Variants in DAB1 observed in about 807,000 individuals in gnomAD.
DAB1 encodes the protein DAB adaptor protein 1, also known as disabled homolog 1.
A neutral mutation model predicts 64.6 loss-of-function variants in DAB1; 15 were observed. The observed-to-expected ratio is 0.23, with a 90% CI of 0.16 to 0.36. DAB1 has a LOEUF of 0.36. DAB1 is among the 10% of genes least tolerant of loss of function. The pLI, the probability that DAB1 is intolerant of heterozygous loss-of-function variation, is 1.00. For synonymous variants in DAB1, 235 were observed against 251.9 expected, an observed-to-expected ratio of 0.93 and a Z score of 0.64; for missense variants, 596 against 706.7, an observed-to-expected ratio of 0.84 and a Z score of 1.78.
intron 5 of DAB1, among the ~76,000 whole-genome samples, chr1:57,984,913 G>GT (rs1276150203): frequency 1.6e-5 from 2 of 123,848 alleles, no homozygotes; most frequent in Non-Finnish European, 4.0e-5. Flanking sequence ...TTTAGTTGTT[G>GT]TTGTTTTTTT....
At chr1:57,142,944 CTT>C (rs778659225) in intron 3 of DAB1, among the ~76,000 whole-genome samples, 9 of 152,156 alleles carry the variant, frequency 5.9e-5, no homozygotes, top group Non-Finnish European at 1.0e-4. Flanking sequence ...ACTTGCCAGA[CTT>C]CATATTCATT....
intron 5 of DAB1, among the ~76,000 whole-genome samples, chr1:57,964,887 T>G (rs1423669080): frequency 6.6e-6 from 1 of 151,930 alleles, no homozygotes; most frequent in Non-Finnish European, 1.5e-5. Flanking sequence ...TGAACTGGGA[T>G]GGAATAAGGC....
intron 4 of DAB1, among the ~76,000 whole-genome samples, chr1:58,301,862 AC>A (rs1662178674): frequency 6.6e-6 from 1 of 152,122 alleles, no homozygotes; most frequent in Non-Finnish European, 1.5e-5. Flanking sequence ...AAAAGCATCT[AC>A]CCTATAGGGT....
At chr1:57,764,187 T>C (rs964054447) in intron 6 of DAB1, among the ~76,000 whole-genome samples, 1 of 152,196 alleles carries the variant, frequency 6.6e-6, no homozygotes, top group Admixed American at 6.5e-5. Context: ...GAGCACTGCA[T>C]AGCAACATTT....
At chr1:57,043,173 G>A (rs984289195) in intron 9 of DAB1, among the ~76,000 whole-genome samples, 18 of 152,076 alleles carry the variant, frequency 1.2e-4, no homozygotes, top group African/African-American at 3.4e-4. Context: ...TGAAAGTCTC[G>A]CCAATATCTG....
At chr1:58,489,514 G>A (rs1440913167) in intron 3 of DAB1, among the ~76,000 whole-genome samples, 2 of 152,100 alleles carry the variant, frequency 1.3e-5, no homozygotes, top group Admixed American at 6.5e-5. Context: ...CCACCTCTGG[G>A]GGCAGGGCAT....
intron 9 of DAB1, among the ~76,000 whole-genome samples, chr1:57,026,903 T>C (rs569035656): frequency 6.6e-6 from 1 of 152,334 alleles, no homozygotes; most frequent in South Asian, 2.1e-4. Context: ...AGGGAGTCTA[T>C]GGCGTGACTT....
intron 5 of DAB1, among the ~76,000 whole-genome samples, chr1:57,894,224 G>C (rs1202833): frequency 0.17 from 26,466 of 152,130 alleles, 2,694 homozygotes; most frequent in Admixed American, 0.27. Context: ...TTGCTCTAAA[G>C]CTTTTTAATA....
intron 5 of DAB1, among the ~76,000 whole-genome samples, chr1:57,908,729 C>T (rs1460292266): frequency 6.6e-6 from 1 of 152,168 alleles, no homozygotes; most frequent in Admixed American, 6.5e-5. Flanking sequence ...GTCTGTTCTG[C>T]TTCCTGCTCC....
chr1:58,237,917 A>G (rs1264316872), intron 4 of DAB1, among the ~76,000 whole-genome samples: 1 of 152,212 alleles, frequency 6.6e-6, no homozygotes, highest in Non-Finnish European at 1.5e-5. Flanking sequence ...ATTGTTTACT[A>G]TGTGTTCTTT....
chr1:57,252,593 C>T (rs979754030), intron 2 of DAB1, among the ~76,000 whole-genome samples: 1 of 152,196 alleles, frequency 6.6e-6, no homozygotes, highest in Admixed American at 6.5e-5. Context: ...TATGAAGTCT[C>T]TTGTTCTAGT....
intron 7 of DAB1, among the ~76,000 whole-genome samples, chr1:57,532,743 G>T (rs1288629136): frequency 6.6e-6 from 1 of 152,138 alleles, no homozygotes; most frequent in East Asian, 1.9e-4. Flanking sequence ...CTCAACTTCT[G>T]GGAGCCTCAT....
chr1:57,473,927 C>T (rs570115286), intron 7 of DAB1, among the ~76,000 whole-genome samples: 41 of 152,274 alleles, frequency 2.7e-4, no homozygotes, highest in African/African-American at 9.4e-4. Flanking sequence ...CACAAAAACA[C>T]AGTTTCTATT....
intron 2 of DAB1, among the ~76,000 whole-genome samples, chr1:57,193,338 T>C (rs1185486770): frequency 6.6e-6 from 1 of 151,106 alleles, no homozygotes; most frequent in African/African-American, 2.4e-5. Context: ...CTGCCTGGCT[T>C]ATTTCACTTA....
chr1:57,340,525 G>A lies in DAB1; in HGVS notation c.-136-49359C>T, dbSNP rs568147079. The stretch of plus-strand genomic sequence containing the variant: ...ATCTGTATTGATTTGTGCAGCCACC[G>A]TGGAAACGCAGTCACTGTAACCATT... On this transcript the variant is annotated intron_variant, in intron 1 of 14. Transcript: ENST00000371236. Among the ~76,000 whole-genome samples, 7 of 152,320 alleles carry A rather than the reference G, an allele frequency of 4.6e-5. No homozygotes were observed. The South Asian group carries it at 8.3e-4, about 18-fold the overall frequency.
chr1:57,452,365 C>T (rs1686417284), intron 7 of DAB1, among the ~76,000 whole-genome samples: 1 of 152,000 alleles, frequency 6.6e-6, no homozygotes, highest in African/African-American at 2.4e-5. Context: ...CTAGCTTACT[C>T]TTTAGGATGA....
At chr1:57,264,306 T>G (rs1217857418) in intron 2 of DAB1, among the ~76,000 whole-genome samples, 2 of 152,196 alleles carry the variant, frequency 1.3e-5, no homozygotes, top group African/African-American at 2.4e-5. Context: ...ATTTCCTGCC[T>G]TGTTAGAACT....
chr1:57,842,862 C>T (rs55757801), intron 1 of DAB1, among the ~76,000 whole-genome samples: 10,988 of 152,210 alleles, frequency 0.072, 638 homozygotes, highest in Admixed American at 0.21. Flanking sequence ...CTTAAGTGTG[C>T]TCAGAACATT....
rs182215054 is a variant in DAB1 at position 57,024,466 on chromosome 1, C to T, written c.787-827G>A. Among the ~76,000 whole-genome samples, 45 of 151,918 alleles carry T rather than the reference C, an allele frequency of 3.0e-4. No individual in the cohort carries two copies. The East Asian group carries it at 7.9e-3, about 27-fold the overall frequency. ...CGATGCTGTAATATCCTTTTTTTTC[C>T]CCTTGGAATAGGCTGGGGCAAGCAA... On this transcript the variant is annotated intron_variant, in intron 10 of 14. Transcript: ENST00000371236.
Sources: gnomAD v4.1 joint callset for allele counts (sites outside exome capture counted in the v4.1 genomes callset) on GRCh38, gnomAD v4.1.1 for gene constraint, MANE v1.5 for transcripts, NCBI Gene and HGNC (gene_info 2026-07-23, HGNC 2026-07-21) for gene names.